The following MAP7 variants were observed in gnomAD, a reference collection of about 807,000 sequenced individuals.
MAP7 encodes the protein ensconsin.
MAP7 carries 52 observed loss-of-function variants against 94.8 expected under a neutral mutation model. That is an observed-to-expected ratio of 0.55 (90% confidence interval 0.44 to 0.69). MAP7 has a LOEUF of 0.69. Ranked by LOEUF, MAP7 falls within the 30% of genes least tolerant of loss-of-function variation. The pLI is 0.00. For missense variants in MAP7, 940 were observed against 964.6 expected (o/e 0.97, Z 0.34); for synonymous variants, 350 against 357.0 (o/e 0.98, Z 0.22).
At chr6:136,361,241 G>C in intron 11 of MAP7, 62 bp from the exon 12 acceptor site, 8 of 1,563,004 alleles carry the variant, frequency 5.1e-6, no homozygotes, top group Non-Finnish European at 7.0e-6. Context: ...TTGAAGAGAG[G>C]CCTCCGTCGG....
intron 1 of MAP7, among the ~76,000 whole-genome samples, chr6:136,541,902 T>A (rs902695551): frequency 2.0e-5 from 3 of 151,924 alleles, no homozygotes; most frequent in Non-Finnish European, 4.4e-5. Context: ...CTACTAAAAA[T>A]CCAAAAATTA....
intron 3 of MAP7, among the ~76,000 whole-genome samples, chr6:136,399,300 G>GT (rs1783390382): frequency 6.6e-6 from 1 of 151,950 alleles, no homozygotes; most frequent in African/African-American, 2.4e-5. Context: ...TGATTTTTTT[G>GT]TTTTTACCTT....
At chr6:136,460,016 C>G (rs117973749) in intron 1 of MAP7, among the ~76,000 whole-genome samples, 553 of 152,238 alleles carry the variant, frequency 3.6e-3, no homozygotes, top group Non-Finnish European at 6.6e-3. Flanking sequence ...ATTGTTGACT[C>G]CACAATCCCA....
At chr6:136,361,909 A>T (rs1252225918) in intron 11 of MAP7, among the ~76,000 whole-genome samples, 1 of 152,122 alleles carries the variant, frequency 6.6e-6, no homozygotes, top group African/African-American at 2.4e-5. Context: ...GAGATTGGAG[A>T]TGTGTTAAGT....
At chr6:136,507,547 G>C (rs1821945611) in intron 1 of MAP7, among the ~76,000 whole-genome samples, 1 of 146,130 alleles carries the variant, frequency 6.8e-6, no homozygotes, top group Non-Finnish European at 1.5e-5. Context: ...TTTAAGAGAA[G>C]ACATTTAAAA....
At chr6:136,351,102 A>G (rs1040527624) in intron 16 of MAP7, among the ~76,000 whole-genome samples, 1 of 152,186 alleles carries the variant, frequency 6.6e-6, no homozygotes, top group African/African-American at 2.4e-5. Flanking sequence ...AGTCTGTAAA[A>G]GCAGTGGGTT....
At chr6:136,410,883 C>T (rs531374138) in intron 3 of MAP7, among the ~76,000 whole-genome samples, 1 of 152,258 alleles carries the variant, frequency 6.6e-6, no homozygotes, top group Non-Finnish European at 1.5e-5. Context: ...TTCAGAATAC[C>T]CAGGCACTCT....
intron 1 of MAP7, among the ~76,000 whole-genome samples, chr6:136,464,292 G>A (rs1278636105): frequency 6.6e-6 from 1 of 152,164 alleles, no homozygotes; most frequent in Admixed American, 6.5e-5. Context: ...ATCAACTACA[G>A]GAGTTATAAT....
At chr6:136,446,991 A>G (rs1027989358) in intron 1 of MAP7, among the ~76,000 whole-genome samples, 29 of 152,214 alleles carry the variant, frequency 1.9e-4, no homozygotes, top group African/African-American at 6.8e-4. Flanking sequence ...ATTTCTGGGT[A>G]TAAAATTTCT....
At chr6:136,415,103 T>C (rs1788942727) in intron 2 of MAP7, among the ~76,000 whole-genome samples, 1 of 151,924 alleles carries the variant, frequency 6.6e-6, no homozygotes, top group Non-Finnish European at 1.5e-5. Context: ...CCATGCCCGA[T>C]CTCGGCTAAT....
intron 1 of MAP7, among the ~76,000 whole-genome samples, chr6:136,428,255 C>A (rs970926222): frequency 2.0e-5 from 3 of 152,172 alleles, no homozygotes; most frequent in African/African-American, 7.2e-5. Flanking sequence ...GTGGCTCACA[C>A]CTGCAATCCC....
At chr6:136,418,926 G>A (rs1280956295) in intron 2 of MAP7, among the ~76,000 whole-genome samples, 1 of 152,000 alleles carries the variant, frequency 6.6e-6, no homozygotes, top group African/African-American at 2.4e-5. Context: ...TAAATCAAGA[G>A]CCTTTTATAT....
intron 1 of MAP7, among the ~76,000 whole-genome samples, chr6:136,443,780 T>C (rs1798556454): frequency 6.6e-6 from 1 of 152,154 alleles, no homozygotes; most frequent in Non-Finnish European, 1.5e-5. Flanking sequence ...ACACTTCTTA[T>C]GCATCCTGAA....
intron 1 of MAP7, among the ~76,000 whole-genome samples, chr6:136,534,624 G>T (rs945424695): frequency 1.8e-4 from 28 of 152,138 alleles, no homozygotes; most frequent in Non-Finnish European, 2.6e-4. Context: ...GAATAGGATG[G>T]ATTCTATTTA....
intron 16 of MAP7, among the ~76,000 whole-genome samples, chr6:136,351,885 G>A (rs1055915368): frequency 8.5e-5 from 13 of 152,104 alleles, no homozygotes; most frequent in African/African-American, 2.7e-4. Flanking sequence ...TAGCATACAC[G>A]TGCTTTTCCC....
In MAP7 at chr6:136,511,324, G is replaced by T. The variant is rs149363271; in HGVS notation, c.67+39018C>A. Among the ~76,000 whole-genome samples the T allele has an allele frequency of 9.1e-3, 1,384 of 152,166 alleles. 12 individuals are homozygous for T. Among genetic ancestry groups the T allele is most frequent in the Non-Finnish European group, 0.013 (905 of 67,996 alleles). The stretch of plus-strand genomic sequence containing the variant: ...TGGTGTCACAGAAGAATCAGAGCTA[G>T]CAAATTCATAAAAAGAAAATTTGAT... On this transcript the variant is annotated intron_variant, in intron 1 of 17. Coordinates refer to ENST00000354570, the MANE Select transcript of MAP7 (RefSeq NM_003980.6).
intron 3 of MAP7, among the ~76,000 whole-genome samples, chr6:136,397,931 A>G (rs1333705251): frequency 6.6e-6 from 1 of 152,228 alleles, no homozygotes; most frequent in Non-Finnish European, 1.5e-5. Context: ...TTCTGAAGTC[A>G]CAATTTATCC....
chr6:136,453,783 G>C (rs775899838), intron 1 of MAP7, among the ~76,000 whole-genome samples: 2 of 152,106 alleles, frequency 1.3e-5, no homozygotes, highest in Non-Finnish European at 2.9e-5. Flanking sequence ...TTATAATTTG[G>C]TAAAATAACA....
At chr6:136,389,300 G>C (rs1283712596) in intron 4 of MAP7, 54 bp downstream of exon 4, 1 of 1,497,372 alleles carries the variant, frequency 6.7e-7, no homozygotes, top group Non-Finnish European at 8.9e-7. Context: ...CAGAAAGTTT[G>C]CTGCATGTCT....
Sources: gnomAD v4.1 joint callset for allele counts (sites outside exome capture counted in the v4.1 genomes callset) on GRCh38, gnomAD v4.1.1 for gene constraint, MANE v1.5 for transcripts, NCBI Gene and HGNC (gene_info 2026-07-23, HGNC 2026-07-21) for gene names.